DMXL2: variants seen among roughly 807,000 people sequenced by gnomAD.
The protein encoded by DMXL2 is Dmx like 2.
DMXL2 carries 103 observed loss-of-function variants against 331.1 expected under a neutral mutation model. That is an observed-to-expected ratio of 0.31 (90% CI 0.27 to 0.37). The LOEUF (loss-of-function observed/expected upper bound fraction) is 0.37. DMXL2 is among the 10% of genes least tolerant of loss of function. The probability of loss-of-function intolerance (pLI) is 1.00; values close to 1 mark genes in which losing one functional copy is unlikely to be tolerated. For synonymous variants in DMXL2, 1,281 were observed against 1,252.1 expected (o/e 1.02, Z -0.49); for missense variants, 3,171 against 3,642.9 (o/e 0.87, Z 3.33).
intron 27 of DMXL2, among the ~76,000 whole-genome samples, chr15:51,476,088 T>C (rs2041557895): frequency 6.6e-6 from 1 of 152,166 alleles, no homozygotes; most frequent in Non-Finnish European, 1.5e-5. Context: ...ACTTAGGATA[T>C]TGAAGAGAGT....
intron 27 of DMXL2, among the ~76,000 whole-genome samples, chr15:51,476,381 G>C (rs1383873214): frequency 6.6e-6 from 1 of 152,050 alleles, no homozygotes; most frequent in Admixed American, 6.6e-5. Flanking sequence ...AACATAGCTG[G>C]TTTTATGAAG....
chr15:51,601,169 T>C lies in DMXL2; in HGVS notation c.87+21290A>G, dbSNP rs532564530. ...AGCCGGGCGTGGTGGCAGGCGCCTG[T>C]AGTCCCAGCTACTCGGGAGGCTGAG... On this transcript the variant is annotated intron_variant, in intron 1 of 43. Transcript: ENST00000560891. Among the ~76,000 whole-genome samples, 10 of 151,836 alleles carry C rather than the reference T, an allele frequency of 6.6e-5. No individual in the cohort carries two copies. The East Asian group carries it at 1.7e-3, about 26-fold the overall frequency.
At chr15:51,534,782 A>G (rs1325713411) in intron 13 of DMXL2, among the ~76,000 whole-genome samples, 1 of 152,202 alleles carries the variant, frequency 6.6e-6, no homozygotes, top group African/African-American at 2.4e-5. Context: ...GCAAAGACAA[A>G]GAATTTATCT....
In DMXL2 at chr15:51,545,764, C is replaced by T. The variant is rs751938141; in HGVS notation, c.749G>A (p.Gly250Asp). ...AGTTAACAACACATTACAGACAGAA[C>T]CCCTAACAACAAAGAGAAATAAATA... ...WRKTSKYMPR[G>D]SVCNVLLTSC... The change falls in exon 8 of 44, where the codon GGT becomes GAT. Residue 250 changes from glycine (G) to aspartate (D), a missense_variant and splice_region_variant. This residue lies in a region of DMXL2 where 1,674 missense variants were observed against 1,780.2 expected (regional missense o/e 0.94). Coordinates refer to ENST00000560891, the MANE Select transcript of DMXL2 (RefSeq NM_001378457.1). 1.2e-5 allele frequency: 20 copies of T among 1,600,892 alleles called. No individual in the cohort carries two copies. Among genetic ancestry groups the T allele is most frequent in the Middle Eastern group, 1.7e-4 (1 of 6,012 alleles).
At chr15:51,467,780 G>A (rs2040723049) in intron 29 of DMXL2, among the ~76,000 whole-genome samples, 1 of 150,264 alleles carries the variant, frequency 6.7e-6, no homozygotes, top group Non-Finnish European at 1.5e-5. Context: ...AGGCTAGAGC[G>A]CAGTGGCACG....
At chr15:51,559,374 A>C (rs1567116977) in intron 6 of DMXL2, among the ~76,000 whole-genome samples, 1 of 152,200 alleles carries the variant, frequency 6.6e-6, no homozygotes, top group Non-Finnish European at 1.5e-5. Flanking sequence ...CCAATAAATA[A>C]ATGAAAAGGT....
intron 17 of DMXL2, among the ~76,000 whole-genome samples, chr15:51,501,162 G>A (rs1415422488): frequency 6.6e-6 from 1 of 152,154 alleles, no homozygotes; most frequent in African/African-American, 2.4e-5. Flanking sequence ...AAAAGCCCAA[G>A]AGTACACTCT....
intron 1 of DMXL2, among the ~76,000 whole-genome samples, chr15:51,598,995 T>C (rs1387688639): frequency 6.6e-6 from 1 of 152,258 alleles, no homozygotes; most frequent in East Asian, 1.9e-4. Flanking sequence ...CATTTGTCAG[T>C]TTCCCTCTGT....
chr15:51,535,802 G>A lies in DMXL2; in HGVS notation c.2315-18C>T, dbSNP rs1000057779. On this transcript the variant is annotated intron_variant, in intron 12 of 43. Transcript: ENST00000560891. ...GTATGTGCCTGAGAAAGGAAAACAA[G>A]GCCTCTGGGTTCTAAACATGTAGTG... 7 of 1,587,610 alleles carry A rather than the reference G, an allele frequency of 4.4e-6. No individual in the cohort carries two copies. Among genetic ancestry groups the A allele is most frequent in the African/African-American group, 4.1e-5 (3 of 73,108 alleles).
chr15:51,458,873 A>C, intron 34 of DMXL2, 78 bp from the exon 35 acceptor site: 1 of 1,220,642 alleles, frequency 8.2e-7, no homozygotes, highest in Non-Finnish European at 1.2e-6. Flanking sequence ...TAAGATTTAA[A>C]TGTAGGATAA....
At chr15:51,519,947 C>A (rs1393069402) in intron 13 of DMXL2, among the ~76,000 whole-genome samples, 1 of 152,062 alleles carries the variant, frequency 6.6e-6, no homozygotes, top group Admixed American at 6.6e-5. Context: ...CCCTGAACTA[C>A]GTTTTAAGGG....
intron 13 of DMXL2, among the ~76,000 whole-genome samples, chr15:51,530,611 C>T (rs981102476): frequency 6.0e-5 from 9 of 149,834 alleles, no homozygotes; most frequent in Admixed American, 4.0e-4. Context: ...AAAAATTAGC[C>T]GGGCATGGTG....
At chr15:51,455,966 C>T in intron 39 of DMXL2, 100 bp downstream of exon 39, 1 of 1,386,864 alleles carries the variant, frequency 7.2e-7, no homozygotes, top group Non-Finnish European at 1.0e-6. Flanking sequence ...AGTTTAAATC[C>T]AGGGTCACTG....
At chr15:51,465,530 T>C (rs1200990658) in intron 31 of DMXL2, 36 bp downstream of exon 31, 7 of 1,440,142 alleles carry the variant, frequency 4.9e-6, no homozygotes, top group African/African-American at 2.9e-5. Flanking sequence ...CAATTTATTA[T>C]ACTTAATAAC....
intron 13 of DMXL2, among the ~76,000 whole-genome samples, chr15:51,526,702 T>C (rs1281515906): frequency 6.6e-6 from 1 of 152,058 alleles, no homozygotes; most frequent in African/African-American, 2.4e-5. Context: ...TAACAAGAAA[T>C]TTAAATAATT....
rs1448338488 is a variant in DMXL2 at position 51,614,602 on chromosome 15, T to TA, written c.87+7856dup. 6.6e-5 allele frequency among the ~76,000 whole-genome samples: 10 copies of TA among 152,312 alleles called. No homozygotes were observed. The South Asian group carries it at 1.9e-3, about 28-fold the overall frequency. ...TAAATATGACTTAATGCCACTGACC[T>TA]ATACCAAGAAGTATTATAAAAAAAT... On this transcript the variant is annotated intron_variant, in intron 1 of 43. Transcript: ENST00000560891.
intron 17 of DMXL2, among the ~76,000 whole-genome samples, chr15:51,501,356 C>G (rs2043589774): frequency 6.6e-6 from 1 of 152,240 alleles, no homozygotes; most frequent in Non-Finnish European, 1.5e-5. Context: ...TTAAACACAG[C>G]TGCCAGACTT....
rs369085530 is a variant in DMXL2, at chr15:51,474,617, G to T, written c.6965-25C>A. On this transcript the variant is annotated intron_variant, in intron 27 of 43. Transcript: ENST00000560891. ...CCTATAAGGGTATATAAAATCATAAGACGTATGTCAGGATGAAGCACCAGA... is the reference window on the plus strand; with the variant it reads ...CCTATAAGGGTATATAAAATCATAATACGTATGTCAGGATGAAGCACCAGA... 6.4e-6 allele frequency: 10 copies of T among 1,553,866 alleles called. No homozygotes were observed. The South Asian group carries it at 1.2e-4, about 19-fold the overall frequency.
At position 51,457,486 on chromosome 15, in the gene DMXL2, G is replaced by A. The variant is rs748897776; in HGVS notation, c.8199-20C>T. 1.2e-6 allele frequency: 2 copies of A among 1,612,684 alleles called. No homozygotes were observed. The highest frequency in any genetic ancestry group is 1.7e-6 in the Non-Finnish European group (2 of 1,179,204). ...TCTGAACTGTGAAAAACATTCATGT[G>A]TTACTGTGAACATTCCCTTTTCTCT... On this transcript the variant is annotated intron_variant, in intron 36 of 43. Coordinates refer to ENST00000560891, the MANE Select transcript of DMXL2 (RefSeq NM_001378457.1).
Sources: gnomAD v4.1 joint callset for allele counts (sites outside exome capture counted in the v4.1 genomes callset) on GRCh38, gnomAD v4.1.1 for gene constraint, gnomAD v4.1.1 regional missense constraint, MANE v1.5 for transcripts, NCBI Gene and HGNC (gene_info 2026-07-23, HGNC 2026-07-21) for gene names.